Variants in RRAS2 observed in about 807,000 individuals in gnomAD.
RRAS2 encodes ras-related protein R-Ras2.
RRAS2 carries 7 observed loss-of-function variants against 27.6 expected under a neutral mutation model. That is an observed-to-expected ratio of 0.25 (90% CI 0.14 to 0.48). RRAS2 has a LOEUF of 0.48. RRAS2 is among the 20% of genes least tolerant of loss of function. RRAS2 has a pLI of 0.99. For missense variants in RRAS2, 178 were observed against 256.2 expected (o/e 0.69, Z 2.08); for synonymous variants, 86 against 90.9 (o/e 0.95, Z 0.31).
chr11:14,359,207 G>A, upstream of RRAS2: 3 of 964,258 alleles, frequency 3.1e-6, no homozygotes, highest in Non-Finnish European at 3.7e-6. Context: ...CCAGGCTGAG[G>A]TGCTGCATAT....
At chr11:14,283,555 C>T (rs7934671) in intron 4 of RRAS2, among the ~76,000 whole-genome samples, 40,433 of 152,000 alleles carry the variant, frequency 0.27, 6,144 homozygotes, top group East Asian at 0.37. Context: ...CTTTGAGGTA[C>T]GTTTTTAAAA....
chr11:14,319,356 T>TTC (rs1848177874), intron 1 of RRAS2, among the ~76,000 whole-genome samples: 1 of 140,282 alleles, frequency 7.1e-6, no homozygotes, highest in South Asian at 2.5e-4. Flanking sequence ...TTTTTTTTTT[T>TTC]TTTTTTTTTT....
In RRAS2 at chr11:14,355,621, A is replaced by T. The variant is rs1849055230; in HGVS notation, c.108+3142T>A. Among the ~76,000 whole-genome samples the T allele has an allele frequency of 2.0e-5, 3 of 152,200 alleles. No individual in the cohort carries two copies. The South Asian group carries it at 6.2e-4, about 32-fold the overall frequency. The stretch of plus-strand genomic sequence containing the variant: ...GAACAGAAGGTAACAACTAAATCTA[A>T]GTCAAAGAAAGTTAGGGTAAAAGGC... On this transcript the variant is annotated intron_variant, in intron 1 of 5. Coordinates refer to ENST00000256196, the MANE Select transcript of RRAS2 (RefSeq NM_012250.6).
At chr11:14,364,252 G>T in intron 1 of RRAS2, 1 of 804,604 alleles carries the variant, frequency 1.2e-6, no homozygotes, top group Non-Finnish European at 2.0e-6. Context: ...CCATCCCAGA[G>T]ACAGGATCTG....
Position 14,358,247 on chromosome 11 carries a change from TA to T in RRAS2, c.108+515del, listed in dbSNP as rs1334540236. ...AGAGCGTAACACACACACAAAGAAA[TA>T]CACAGTACTTGAAGCGGGCAGCTCC... On this transcript the variant is annotated intron_variant, in intron 1 of 5. Transcript: ENST00000256196. This position sits in a 1 kb window ranked among gnomAD's most constrained non-coding sequence, Gnocchi z 5.1. 1 of 985,236 alleles carries T rather than the reference TA, an allele frequency of 1.0e-6. No homozygotes were observed. Among genetic ancestry groups the T allele is most frequent in the Non-Finnish European group, 1.2e-6 (1 of 829,940 alleles). 61.0% of individuals were successfully genotyped at this position (985,236 alleles called of 1,614,324 possible).
At chr11:14,307,237 A>C (rs1162860440) in intron 1 of RRAS2, among the ~76,000 whole-genome samples, 2 of 54,926 alleles carry the variant, frequency 3.6e-5, no homozygotes, top group African/African-American at 6.8e-5. Flanking sequence ...CAACAACAAC[A>C]AAAAAAAAGC....
At chr11:14,312,380 A>G (rs1223801294) in intron 1 of RRAS2, among the ~76,000 whole-genome samples, 2 of 152,202 alleles carry the variant, frequency 1.3e-5, no homozygotes, top group East Asian at 1.9e-4. Context: ...ATGGTTCTGA[A>G]TAAGAATAAA....
chr11:14,292,845 T>C (rs1469368973), intron 4 of RRAS2, among the ~76,000 whole-genome samples: 1 of 151,948 alleles, frequency 6.6e-6, no homozygotes, highest in Admixed American at 6.6e-5. Context: ...TTGTGGCTCA[T>C]GCCTGTAATC....
At chr11:14,347,775 C>A (rs1253952107) in intron 1 of RRAS2, among the ~76,000 whole-genome samples, 2 of 151,990 alleles carry the variant, frequency 1.3e-5, no homozygotes, top group South Asian at 2.1e-4. Context: ...TGTCATCACA[C>A]CACTACACTA....
chr11:14,320,412 C>T (rs1170601857), intron 1 of RRAS2, among the ~76,000 whole-genome samples: 1 of 152,200 alleles, frequency 6.6e-6, no homozygotes, highest in Non-Finnish European at 1.5e-5. Flanking sequence ...TCAATTGACT[C>T]TGAGACGGGA....
chr11:14,343,384 C>T (rs1848758247), intron 1 of RRAS2, among the ~76,000 whole-genome samples: 1 of 152,192 alleles, frequency 6.6e-6, no homozygotes, highest in Non-Finnish European at 1.5e-5. Context: ...AGACTCAAAA[C>T]TTAAATTTGA....
chr11:14,294,785 C>T lies in RRAS2; in HGVS notation c.274G>A (p.Val92Ile), dbSNP rs782166268. 2.7e-5 allele frequency: 43 copies of T among 1,613,590 alleles called. No individual in the cohort carries two copies. The highest frequency in any genetic ancestry group is 3.4e-5 in the Non-Finnish European group (40 of 1,179,886). Residue 92 changes from valine (V) to isoleucine (I), a missense_variant, in exon 3 of 6, where the codon GTC (valine) becomes ATC (isoleucine). Coordinates refer to ENST00000256196, the MANE Select transcript of RRAS2 (RefSeq NM_012250.6). The stretch of plus-strand genomic sequence containing the variant: ...CTGCCTCTATCTGTGACTGAAAAGA[C>T]CAACAGGAAGCCTTCGCCAGTCCTC... ...YMRTGEGFLLVFSVTDRGSFE... is the reference protein window; with the variant it reads ...YMRTGEGFLLIFSVTDRGSFE...
rs1849446661 is a variant in RRAS2 at position 14,278,989 on chromosome 11, A to G, written c.*348T>C. The G allele has an allele frequency of 5.5e-6, 1 of 180,420 alleles. No homozygotes were observed. Among genetic ancestry groups the G allele is most frequent in the African/African-American group, 2.4e-5 (1 of 42,188 alleles). The allele number at this position is 180,420 out of a possible 1,614,324, so 11.2% of individuals were successfully genotyped here. On this transcript the variant is annotated 3_prime_UTR_variant, in exon 6 of 6. Coordinates refer to ENST00000256196, the MANE Select transcript of RRAS2 (RefSeq NM_012250.6). ...GTAGGCAGTATGATTCCAAAAGTTA[A>G]AAATTATTTCACAACCTGTAGCTTC... is the stretch of plus-strand genomic sequence containing the variant.
intron 1 of RRAS2, among the ~76,000 whole-genome samples, chr11:14,348,172 C>T (rs1848877325): frequency 2.0e-5 from 3 of 152,252 alleles, no homozygotes; most frequent in East Asian, 1.9e-4. Context: ...ATTATAAAGA[C>T]AAGATCTCAT....
At chr11:14,312,494 A>C (rs781857106) in intron 1 of RRAS2, among the ~76,000 whole-genome samples, 2 of 152,122 alleles carry the variant, frequency 1.3e-5, no homozygotes, top group Non-Finnish European at 2.9e-5. Flanking sequence ...ATCACGGCTT[A>C]CTGCTGGCTT....
At chr11:14,342,272 G>A (rs898646949) in intron 1 of RRAS2, among the ~76,000 whole-genome samples, 3 of 152,186 alleles carry the variant, frequency 2.0e-5, no homozygotes, top group South Asian at 2.1e-4. Flanking sequence ...GTAGTGAGAA[G>A]AGGATCATAT....
At chr11:14,290,748 C>T (rs1849789562) in intron 4 of RRAS2, among the ~76,000 whole-genome samples, 1 of 152,100 alleles carries the variant, frequency 6.6e-6, no homozygotes, top group Admixed American at 6.5e-5. Flanking sequence ...CTGACAGTGG[C>T]ACTGAATGCC....
At position 14,358,342 on chromosome 11, in the gene RRAS2, C is replaced by G; in HGVS notation, c.108+421G>C. On this transcript the variant is annotated intron_variant, in intron 1 of 5. Coordinates refer to ENST00000256196, the MANE Select transcript of RRAS2 (RefSeq NM_012250.6). This position sits in a 1 kb window ranked among gnomAD's most constrained non-coding sequence, Gnocchi z 5.1. ...GGCCAAGTTGCCACCGCTATCGCCC[C>G]GACGGTGAAGGCGCGGCCGCAGGCG... 1.0e-6 allele frequency: 1 copy of G among 985,618 alleles called. No homozygotes were observed. The highest frequency in any genetic ancestry group is 1.2e-6 in the Non-Finnish European group (1 of 830,086). 61.1% of individuals were successfully genotyped at this position (985,618 alleles called of 1,614,324 possible). A position where few individuals can be genotyped will look rare whatever the true frequency, so the allele number is the denominator to read the frequency against.
At chr11:14,356,065 T>C (rs1849066491) in intron 1 of RRAS2, among the ~76,000 whole-genome samples, 1 of 152,216 alleles carries the variant, frequency 6.6e-6, no homozygotes, top group Non-Finnish European at 1.5e-5. Context: ...CACAGCTATA[T>C]GTGGTCCACC....
Sources: gnomAD v4.1 joint callset for allele counts (sites outside exome capture counted in the v4.1 genomes callset) on GRCh38, gnomAD v4.1.1 for gene constraint, Gnocchi (gnomAD v3.1) non-coding constraint, MANE v1.5 for transcripts, NCBI Gene and HGNC (gene_info 2026-07-23, HGNC 2026-07-21) for gene names.